The following BLTP3B variants were observed in gnomAD, a reference collection of about 807,000 sequenced individuals.
The protein encoded by BLTP3B is bridge-like lipid transfer protein family member 3B, also known as UHRF1 (ICBP90) binding protein 1-like.
chr12:100,077,805 G>C, the BLTP3B span, among the ~76,000 whole-genome samples: 1 of 152,102 alleles, frequency 6.6e-6, no homozygotes, highest in Admixed American at 6.5e-5. Flanking sequence ...CTCAAACATT[G>C]CAATTAGACC....
At chr12:100,070,067 G>A in the BLTP3B span, 3 of 1,426,598 alleles carry the variant, frequency 2.1e-6, no homozygotes, top group South Asian at 4.6e-5. Flanking sequence ...AGATTTACAA[G>A]ACAATGCTTG....
At chr12:100,140,708 A>G in the BLTP3B span, among the ~76,000 whole-genome samples, 1 of 99,536 alleles carries the variant, frequency 1.0e-5, no homozygotes, top group Admixed American at 9.7e-5. Context: ...CTGTCTCAAA[A>G]AAAAAAAAAA....
chr12:100,090,939 T>C, the BLTP3B span, among the ~76,000 whole-genome samples: 1 of 151,988 alleles, frequency 6.6e-6, no homozygotes, highest in South Asian at 2.1e-4. Flanking sequence ...CAAACCTTTT[T>C]CTTAATACTA....
chr12:100,061,055 A>G, the BLTP3B span, among the ~76,000 whole-genome samples: 2 of 152,200 alleles, frequency 1.3e-5, no homozygotes, highest in Non-Finnish European at 2.9e-5. Flanking sequence ...CTTTTTCCTT[A>G]AAAGTTCGTA....
At chr12:100,053,175 C>T in the BLTP3B span, among the ~76,000 whole-genome samples, 1 of 151,748 alleles carries the variant, frequency 6.6e-6, no homozygotes, top group Non-Finnish European at 1.5e-5. Flanking sequence ...GAGGCTGAGG[C>T]GGGTGGATTA....
chr12:100,124,967 TATATATATA>T, the BLTP3B span, among the ~76,000 whole-genome samples: 81 of 115,786 alleles, frequency 7.0e-4, no homozygotes, highest in African/African-American at 2.6e-3. Flanking sequence ...TATATATATA[TATATATATA>T]TATTTATATT....
chr12:100,107,676 G>A, the BLTP3B span, among the ~76,000 whole-genome samples: 1 of 151,966 alleles, frequency 6.6e-6, no homozygotes, highest in South Asian at 2.1e-4. Flanking sequence ...TGAAGAAAAG[G>A]GATAAAACTG....
At chr12:100,081,931 A>T in the BLTP3B span, among the ~76,000 whole-genome samples, 4 of 152,222 alleles carry the variant, frequency 2.6e-5, no homozygotes, top group East Asian at 7.7e-4. Context: ...TATACCCAGT[A>T]ATGGGATTGC....
chr12:100,105,841 G>A, the BLTP3B span, among the ~76,000 whole-genome samples: 4 of 151,664 alleles, frequency 2.6e-5, no homozygotes, highest in Non-Finnish European at 5.9e-5. Context: ...GAATCTACAA[G>A]GAACTCAAAC....
At chr12:100,123,305 G>C in the BLTP3B span, among the ~76,000 whole-genome samples, 2 of 152,312 alleles carry the variant, frequency 1.3e-5, no homozygotes, top group South Asian at 2.1e-4. Flanking sequence ...AGTCAGGGCA[G>C]ACAGAGCCAA....
chr12:100,138,711 G>C, the BLTP3B span, among the ~76,000 whole-genome samples: 5 of 152,246 alleles, frequency 3.3e-5, no homozygotes, highest in African/African-American at 1.2e-4. Flanking sequence ...GCAGAGCACA[G>C]TATGCCCTTA....
At chr12:100,116,477 A>G in the BLTP3B span, among the ~76,000 whole-genome samples, 1 of 151,352 alleles carries the variant, frequency 6.6e-6, no homozygotes, top group Non-Finnish European at 1.5e-5. Context: ...GAAAAGAAAA[A>G]AAAAGGTAAA....
At chr12:100,059,825 T>C in the BLTP3B span, 2 of 1,583,070 alleles carry the variant, frequency 1.3e-6, no homozygotes, top group Non-Finnish European at 8.6e-7. Context: ...AATTAAATCA[T>C]TACTACTACT....
At chr12:100,063,711 A>G in the BLTP3B span, among the ~76,000 whole-genome samples, 2 of 151,886 alleles carry the variant, frequency 1.3e-5, no homozygotes, top group African/African-American at 4.8e-5. Flanking sequence ...GTCTCAAAAA[A>G]AAAAAAAAAA....
the BLTP3B span, among the ~76,000 whole-genome samples, chr12:100,126,586 A>G: frequency 1.4e-4 from 21 of 152,300 alleles, no homozygotes; most frequent in Non-Finnish European, 2.5e-4. Flanking sequence ...TTGGGCACAA[A>G]AATTCTACTG....
At chr12:100,094,060 T>C in the BLTP3B span, among the ~76,000 whole-genome samples, 1 of 152,194 alleles carries the variant, frequency 6.6e-6, no homozygotes, top group Non-Finnish European at 1.5e-5. Context: ...ACAGAACCCT[T>C]TCCCTTACTT....
the BLTP3B span, among the ~76,000 whole-genome samples, chr12:100,140,876 C>T: frequency 6.6e-6 from 1 of 150,766 alleles, no homozygotes; most frequent in East Asian, 1.9e-4. Flanking sequence ...TATGCATGCT[C>T]TTAATTTTTA....
At chr12:100,069,982 T>C in the BLTP3B span, 2 of 1,211,658 alleles carry the variant, frequency 1.7e-6, no homozygotes, top group African/African-American at 3.1e-5. Context: ...GATTATGCAA[T>C]AACAGACAAT....
the BLTP3B span, among the ~76,000 whole-genome samples, chr12:100,056,851 A>G: frequency 6.6e-6 from 1 of 151,936 alleles, no homozygotes; most frequent in Admixed American, 6.6e-5. Context: ...GAAAGAAAAA[A>G]GAAAGTAATT....
Sources: allele counts gnomAD v4.1 joint callset (sites outside exome capture counted in the v4.1 genomes callset), GRCh38; gene constraint gnomAD v4.1.1; transcripts MANE v1.5; gene names NCBI Gene and HGNC (gene_info 2026-07-23, HGNC 2026-07-21).